EXOC6: variants seen among roughly 807,000 people sequenced by gnomAD.
The protein encoded by EXOC6 is SEC15-like 1.
EXOC6 carries 60 observed loss-of-function variants against 112.5 expected under a neutral mutation model. The ratio of observed to expected loss-of-function variants is 0.53; its 90% CI spans 0.43 to 0.66. The LOEUF is 0.66. Ranked by LOEUF, EXOC6 falls within the 30% of genes least tolerant of loss-of-function variation. EXOC6 has a pLI of 0.00. For synonymous variants in EXOC6, 295 were observed against 308.0 expected (o/e 0.96, Z 0.44); for missense variants, 855 against 957.1 (o/e 0.89, Z 1.41).
At chr10:93,019,189 A>G (rs1325503891) in intron 20 of EXOC6, among the ~76,000 whole-genome samples, 2 of 152,138 alleles carry the variant, frequency 1.3e-5, no homozygotes, top group African/African-American at 4.8e-5. Context: ...CATGTTGCCC[A>G]GGCTAATCTT....
chr10:92,944,889 C>T (rs1288121388), intron 13 of EXOC6, among the ~76,000 whole-genome samples: 2 of 151,914 alleles, frequency 1.3e-5, no homozygotes, highest in Non-Finnish European at 2.9e-5. Context: ...TCTCCTGCCT[C>T]AGCCTTCCGA....
At chr10:92,928,586 CA>C (rs1288306242) in intron 9 of EXOC6, among the ~76,000 whole-genome samples, 164 bp downstream of exon 9, 4 of 150,270 alleles carry the variant, frequency 2.7e-5, no homozygotes, top group African/African-American at 9.8e-5. Flanking sequence ...AGCAGTGAAC[CA>C]AATAGATAAG....
intron 1 of EXOC6, 140 bp downstream of exon 1, chr10:92,848,774 CG>C: frequency 1.7e-6 from 1 of 574,374 alleles, no homozygotes; most frequent in Non-Finnish European, 2.3e-6. Flanking sequence ...GGGGCGCTCG[CG>C]GGTGGCGGAA....
intron 20 of EXOC6, among the ~76,000 whole-genome samples, chr10:93,041,653 A>T (rs1313070697): frequency 6.6e-6 from 1 of 152,122 alleles, no homozygotes; most frequent in East Asian, 1.9e-4. Flanking sequence ...ACCTCAAGTG[A>T]TCTGCCTGCC....
chr10:92,994,644 CT>C (rs925356728), intron 18 of EXOC6, among the ~76,000 whole-genome samples: 4 of 151,780 alleles, frequency 2.6e-5, no homozygotes, highest in Non-Finnish European at 5.9e-5. Context: ...ATTATTTTGG[CT>C]TTTTTTGTTA....
chr10:92,925,198 G>A (rs1851648254), intron 8 of EXOC6, among the ~76,000 whole-genome samples: 1 of 152,138 alleles, frequency 6.6e-6, no homozygotes, highest in Admixed American at 6.5e-5. Context: ...AACAGAATAA[G>A]TAATGAGAAA....
intron 1 of EXOC6, among the ~76,000 whole-genome samples, chr10:92,873,781 T>C (rs1223591399): frequency 6.6e-6 from 1 of 152,132 alleles, no homozygotes; most frequent in Non-Finnish European, 1.5e-5. Context: ...CCAGGCACGG[T>C]GGCTCATGCC....
intron 20 of EXOC6, among the ~76,000 whole-genome samples, chr10:93,047,254 G>C (rs556753122): frequency 6.6e-6 from 1 of 152,128 alleles, no homozygotes; most frequent in East Asian, 1.9e-4. Context: ...AGTTGGGAGA[G>C]GGCCAGGCAC....
At chr10:93,034,461 G>A (rs1214348435) in intron 20 of EXOC6, among the ~76,000 whole-genome samples, 2 of 152,190 alleles carry the variant, frequency 1.3e-5, no homozygotes. Context: ...TAGGAAAGAA[G>A]TTCCCATGTA....
At chr10:93,019,794 G>A (rs917292091) in intron 20 of EXOC6, among the ~76,000 whole-genome samples, 1 of 152,140 alleles carries the variant, frequency 6.6e-6, no homozygotes, top group Non-Finnish European at 1.5e-5. Flanking sequence ...CAAGGACCTC[G>A]AAAAGTGAAA....
chr10:92,943,512 C>G (rs1408015525), intron 13 of EXOC6, among the ~76,000 whole-genome samples: 1 of 152,126 alleles, frequency 6.6e-6, no homozygotes, highest in Non-Finnish European at 1.5e-5. Flanking sequence ...TACATTTTAT[C>G]TGTATGCAGC....
chr10:92,977,241 C>T (rs1379765933), intron 18 of EXOC6, among the ~76,000 whole-genome samples: 1 of 149,970 alleles, frequency 6.7e-6, no homozygotes, highest in African/African-American at 2.4e-5. Context: ...ACAGCTGCGC[C>T]CAACCATCCT....
At chr10:93,014,600 A>C (rs896752357) in intron 20 of EXOC6, among the ~76,000 whole-genome samples, 3 of 152,202 alleles carry the variant, frequency 2.0e-5, no homozygotes. Flanking sequence ...TCATATATGA[A>C]AATTGGTGGT....
chr10:92,862,886 A>G lies in EXOC6; in HGVS notation c.101+14252A>G, dbSNP rs140752627. On this transcript the variant is annotated intron_variant, in intron 1 of 21. Coordinates refer to ENST00000260762, the MANE Select transcript of EXOC6 (RefSeq NM_019053.6). Reference sequence around the variant, plus strand: ...TGTTCAGTATTTGGGGTAATTACCTAAGAGTGGAACTGTTGGGTCATATGG... The same window carrying G: ...TGTTCAGTATTTGGGGTAATTACCTGAGAGTGGAACTGTTGGGTCATATGG... Among the ~76,000 whole-genome samples the G allele has an allele frequency of 2.6e-3, 394 of 152,294 alleles. 1 individual carries two copies. The highest frequency in any genetic ancestry group is 4.3e-3 in the Non-Finnish European group (295 of 68,018).
intron 13 of EXOC6, among the ~76,000 whole-genome samples, chr10:92,942,914 AAAGTAATAG>A (rs1852749306): frequency 6.6e-6 from 1 of 152,228 alleles, no homozygotes; most frequent in Non-Finnish European, 1.5e-5. Flanking sequence ...TTTATCCTCC[AAAGTAATAG>A]TGGAGGAGAA....
intron 1 of EXOC6, among the ~76,000 whole-genome samples, chr10:92,853,151 A>G (rs1361892416): frequency 6.6e-6 from 1 of 152,218 alleles, no homozygotes; most frequent in Non-Finnish European, 1.5e-5. Context: ...TATCAAAAAT[A>G]TGAAATACTC....
intron 6 of EXOC6, among the ~76,000 whole-genome samples, 194 bp from the exon 7 acceptor site, chr10:92,915,564 G>A (rs1046218065): frequency 2.0e-5 from 2 of 98,124 alleles, no homozygotes; most frequent in Non-Finnish European, 3.9e-5. Flanking sequence ...GTGAGACCCT[G>A]ATTTTTTTTT....
At chr10:93,021,597 T>A (rs1844796620) in intron 20 of EXOC6, among the ~76,000 whole-genome samples, 1 of 152,206 alleles carries the variant, frequency 6.6e-6, no homozygotes, top group African/African-American at 2.4e-5. Flanking sequence ...TCTGTTGCAG[T>A]GCTATTTCCC....
At chr10:92,882,935 G>A (rs1417387657) in intron 1 of EXOC6, among the ~76,000 whole-genome samples, 1 of 152,194 alleles carries the variant, frequency 6.6e-6, no homozygotes, top group Non-Finnish European at 1.5e-5. Flanking sequence ...CAAATAGAGT[G>A]TCTCAGTGTA....
Sources: allele counts gnomAD v4.1 joint callset (sites outside exome capture counted in the v4.1 genomes callset), GRCh38; gene constraint gnomAD v4.1.1; transcripts MANE v1.5; gene names NCBI Gene and HGNC (gene_info 2026-07-23, HGNC 2026-07-21).